The following ZFX variants were observed in gnomAD, a reference collection of about 807,000 sequenced individuals.
ZFX encodes the protein zinc finger protein X-linked, also known as zinc finger X-chromosomal protein.
For missense variants in ZFX, 362 were observed against 628.3 expected, an observed-to-expected ratio of 0.58 and a Z score of 4.53; for synonymous variants, 196 against 226.8, an observed-to-expected ratio of 0.86 and a Z score of 1.22.
intron 1 of ZFX, 113 bp downstream of exon 1, chrX:24,149,907 C>A (rs1158950054): frequency 9.2e-6 from 1 of 108,360 alleles, no homozygotes; most frequent in Non-Finnish European, 1.9e-5. Flanking sequence ...GGCGGCGTGG[C>A]GCGCGGCGCC....
intron 5 of ZFX, among the ~76,000 whole-genome samples, chrX:24,184,397 G>C (rs2147750890): frequency 9.0e-6 from 1 of 111,437 alleles, no homozygotes; most frequent in South Asian, 3.7e-4. Context: ...TTGCTAAGGA[G>C]TAAAATGCAT....
chrX:24,160,407 T>G (rs867409160), intron 3 of ZFX, among the ~76,000 whole-genome samples: 33 of 108,215 alleles, frequency 3.0e-4, no homozygotes, highest in African/African-American at 1.1e-3. Context: ...CAAGCGATTC[T>G]CTTGCCTCAG....
At chrX:24,194,955 C>T (rs1026934904) in intron 5 of ZFX, among the ~76,000 whole-genome samples, 2 of 110,028 alleles carry the variant, frequency 1.8e-5, no homozygotes, top group African/African-American at 3.3e-5. Context: ...ACCATGTTGG[C>T]GAGGCTGATC....
intron 5 of ZFX, among the ~76,000 whole-genome samples, chrX:24,193,343 C>A (rs1311631675): frequency 8.9e-6 from 1 of 112,052 alleles, no homozygotes; most frequent in Non-Finnish European, 1.9e-5. Flanking sequence ...GCGAAAAAGA[C>A]CACATGTTGT....
At chrX:24,178,542 G>C (rs751914447) in intron 4 of ZFX, among the ~76,000 whole-genome samples, 1 of 109,756 alleles carries the variant, frequency 9.1e-6, no homozygotes, top group Admixed American at 9.7e-5. Flanking sequence ...GCCCGTCTTG[G>C]CCTCCCAAAG....
At chrX:24,193,506 C>T (rs1330085397) in intron 5 of ZFX, among the ~76,000 whole-genome samples, 1 of 111,651 alleles carries the variant, frequency 9.0e-6, no homozygotes, top group Non-Finnish European at 1.9e-5. Flanking sequence ...CTGATGGTTG[C>T]ACCACAGTGA....
intron 3 of ZFX, among the ~76,000 whole-genome samples, chrX:24,168,904 A>G (rs2704842): frequency 0.42 from 46,183 of 108,879 alleles, 7,136 homozygotes; most frequent in South Asian, 0.78. Context: ...GAACCATCCT[A>G]CTTATTTGTC....
rs1264988862 is a variant in ZFX, at chrX:24,179,788, G to A, written c.646+18G>A. 26 of 1,172,201 alleles carry A rather than the reference G, an allele frequency of 2.2e-5. No homozygotes were observed. The highest frequency in any genetic ancestry group is 2.6e-5 in the Non-Finnish European group (23 of 876,065). On this transcript the variant is annotated intron_variant, in intron 5 of 9. Coordinates refer to ENST00000304543, the MANE Select transcript of ZFX (RefSeq NM_003410.4). ...GATTTCCTGTAAGTCTTGGGGTACA[G>A]TGATTGTCAAAGGTGTTTTTGTAGG...
chrX:24,191,927 C>T (rs1166001570), intron 5 of ZFX, among the ~76,000 whole-genome samples: 16 of 110,865 alleles, frequency 1.4e-4, no homozygotes, highest in Non-Finnish European at 2.6e-4. Flanking sequence ...CTCAAACTCC[C>T]GATCTCAGGT....
rs1186880872 is a variant in ZFX at position 24,212,696 on chromosome X, G to A, written c.*1320G>A. 8.9e-6 allele frequency: 1 copy of A among 112,144 alleles called. No homozygotes were observed. The highest frequency in any genetic ancestry group is 2.8e-4 in the East Asian group (1 of 3,574). 9.2% of individuals were successfully genotyped at this position (112,144 alleles called of 1,213,427 possible). On this transcript the variant is annotated 3_prime_UTR_variant, in exon 10 of 10. Transcript: ENST00000304543. Reference sequence around the variant, plus strand: ...GATGGCTCTGTGGACCAGAGAACGGGTGCTAATTATGACTTCACACTCGGC... The same window carrying A: ...GATGGCTCTGTGGACCAGAGAACGGATGCTAATTATGACTTCACACTCGGC...
At chrX:24,164,654 G>A (rs758560918) in intron 3 of ZFX, among the ~76,000 whole-genome samples, 2 of 111,494 alleles carry the variant, frequency 1.8e-5, no homozygotes, top group Non-Finnish European at 3.8e-5. Flanking sequence ...ATTTAGGGCT[G>A]GGCACGGTGC....
intron 3 of ZFX, among the ~76,000 whole-genome samples, chrX:24,171,905 GGA>G (rs1213136127): frequency 0.038 from 1,576 of 41,707 alleles, 42 homozygotes; most frequent in African/African-American, 0.1. Flanking sequence ...AGAGAGAGAA[GGA>G]GAGAGAGAGA....
chrX:24,173,770 T>C, intron 4 of ZFX: 1 of 439,808 alleles, frequency 2.3e-6, no homozygotes, highest in Non-Finnish European at 3.9e-6. Flanking sequence ...TTTTTTTTTT[T>C]TTTGGGTAGT....
At chrX:24,205,907 C>T (rs1048809208) in intron 5 of ZFX, among the ~76,000 whole-genome samples, 47 of 110,355 alleles carry the variant, frequency 4.3e-4, no homozygotes, top group African/African-American at 1.4e-3. Context: ...GTTGTATATC[C>T]CCTGAGTCTC....
intron 3 of ZFX, among the ~76,000 whole-genome samples, chrX:24,160,737 A>G (rs957889466): frequency 8.9e-6 from 1 of 112,011 alleles, no homozygotes; most frequent in Admixed American, 9.5e-5. Context: ...CCTTTCTTCT[A>G]GATATTTGAA....
intron 3 of ZFX, among the ~76,000 whole-genome samples, chrX:24,156,658 G>C (rs1323017712): frequency 1.8e-5 from 1 of 55,102 alleles, no homozygotes; most frequent in Non-Finnish European, 2.9e-5. Context: ...TTTAATAATA[G>C]CCTTTTTTTT....
At chrX:24,184,831 A>G (rs930235895) in intron 5 of ZFX, among the ~76,000 whole-genome samples, 1 of 112,358 alleles carries the variant, frequency 8.9e-6, no homozygotes, top group Non-Finnish European at 1.9e-5. Flanking sequence ...ACATTTAAAC[A>G]AATACATACA....
chrX:24,158,803 AT>A (rs34714825), intron 3 of ZFX, among the ~76,000 whole-genome samples: 26,299 of 89,508 alleles, frequency 0.29, 3,305 homozygotes, highest in South Asian at 0.6. Context: ...TGCCCGGCTA[AT>A]TTTTTTTTTT....
In ZFX at chrX:24,213,677, GTTTTTTTTTTTT is replaced by G. The variant is rs58275744; in HGVS notation, c.*2312_*2323del. 1 of 76,096 alleles carries G rather than the reference GTTTTTTTTTTTT, an allele frequency of 1.3e-5. No homozygotes were observed. Among genetic ancestry groups the G allele is most frequent in the African/African-American group, 4.5e-5 (1 of 22,471 alleles). The allele number at this position is 76,096 out of a possible 1,213,427, so 6.3% of individuals were successfully genotyped here. ...TGTACCTTCTTGGCCCCCATAATGT[GTTTTTTTTTTTT>G]TTTTTTTTTTAAACTAACTTACAAT... On this transcript the variant is annotated 3_prime_UTR_variant, in exon 10 of 10. Transcript: ENST00000304543.
Sources: allele counts gnomAD v4.1 joint callset (sites outside exome capture counted in the v4.1 genomes callset), GRCh38; gene constraint gnomAD v4.1.1; transcripts MANE v1.5; gene names NCBI Gene and HGNC (gene_info 2026-07-23, HGNC 2026-07-21).